CBFA2T3: variants seen among roughly 807,000 people sequenced by gnomAD.
The protein encoded by CBFA2T3 is CBFA2/RUNX1 partner transcriptional co-repressor 3.
Under a neutral mutation model 58.6 loss-of-function variants are expected in CBFA2T3, and 31 were observed. The ratio of observed to expected loss-of-function variants is 0.53; its 90% CI spans 0.40 to 0.71. The LOEUF is 0.71. CBFA2T3 is among the 30% of genes least tolerant of loss of function. CBFA2T3 has a pLI of 0.00. For missense variants in CBFA2T3, 1,076 were observed against 963.1 expected, an observed-to-expected ratio of 1.12 and a Z score of -1.55; for synonymous variants, 531 against 421.9, an observed-to-expected ratio of 1.26 and a Z score of -3.17.
chr16:88,892,491 G>A lies in CBFA2T3; in HGVS notation c.380-6C>T, dbSNP rs201391166. 1.9e-6 allele frequency: 3 copies of A among 1,611,164 alleles called. No homozygotes were observed. The highest frequency in any genetic ancestry group is 3.3e-5 in the Admixed American group (2 of 60,032). On this transcript the variant is annotated splice_region_variant and splice_polypyrimidine_tract_variant and intron_variant, in intron 3 of 11. Transcript: ENST00000268679. ...GTGGCTGCTGCCGTTCATCACTGCA[G>A]GAGGGAAGCGGACATGAGGACACAA...
chr16:88,880,997 G>A (rs764228634), intron 9 of CBFA2T3: 6 of 674,880 alleles, frequency 8.9e-6, no homozygotes, highest in South Asian at 4.8e-5. Context: ...CCTTGGACTC[G>A]GCTGGGAGCC....
chr16:88,935,179 G>A (rs1367134730), intron 1 of CBFA2T3, among the ~76,000 whole-genome samples: 2 of 152,178 alleles, frequency 1.3e-5, no homozygotes, highest in South Asian at 4.1e-4. Flanking sequence ...GAGACCCAAC[G>A]CTGCCCCCGG....
At chr16:88,916,022 G>A (rs1970707947) in intron 1 of CBFA2T3, among the ~76,000 whole-genome samples, 1 of 150,464 alleles carries the variant, frequency 6.6e-6, no homozygotes, top group African/African-American at 2.5e-5. Flanking sequence ...GTGTGTCCGT[G>A]TGTATATGTG....
intron 1 of CBFA2T3, among the ~76,000 whole-genome samples, chr16:88,927,491 C>T (rs544287002): frequency 4.9e-4 from 75 of 152,306 alleles, no homozygotes; most frequent in African/African-American, 1.7e-3. Flanking sequence ...CTGTTCTCCT[C>T]CAGGGACCTC....
chr16:88,928,742 G>A (rs577224089), intron 1 of CBFA2T3, among the ~76,000 whole-genome samples: 2 of 152,354 alleles, frequency 1.3e-5, no homozygotes, highest in South Asian at 4.1e-4. Context: ...CAGGAACACT[G>A]TGCAAACGTA....
At chr16:88,925,599 C>T (rs1971061034) in intron 1 of CBFA2T3, among the ~76,000 whole-genome samples, 1 of 152,348 alleles carries the variant, frequency 6.6e-6, no homozygotes, top group Admixed American at 6.5e-5. Context: ...CTCAGAGAGG[C>T]TCCAGGCCTG....
At chr16:88,881,672 A>G in intron 8 of CBFA2T3, 183 bp from the exon 9 acceptor site, 1 of 593,316 alleles carries the variant, frequency 1.7e-6, no homozygotes, top group Non-Finnish European at 2.9e-6. Context: ...CTAGCCTGGG[A>G]CTGCCGAGCG....
chr16:88,881,735 G>C (rs1045916747), intron 8 of CBFA2T3: 5 of 469,574 alleles, frequency 1.1e-5, no homozygotes, highest in African/African-American at 1.0e-4. Context: ...GCAGGAGTTT[G>C]GGATTCTCCT....
chr16:88,951,451 T>A (rs1046382002), intron 1 of CBFA2T3: 8 of 388,912 alleles, frequency 2.1e-5, no homozygotes, highest in Non-Finnish European at 3.0e-5. Context: ...CTGTTACCTG[T>A]ATGTTTGAAT....
chr16:88,893,566 C>T (rs573261155), intron 3 of CBFA2T3, among the ~76,000 whole-genome samples: 16 of 152,350 alleles, frequency 1.1e-4, no homozygotes, highest in Non-Finnish European at 2.1e-4. Flanking sequence ...GTTCCTGCCC[C>T]TGGCGGCTGG....
intron 1 of CBFA2T3, among the ~76,000 whole-genome samples, chr16:88,905,669 G>A (rs1037670805): frequency 8.8e-5 from 13 of 148,020 alleles, no homozygotes; most frequent in Non-Finnish European, 1.7e-4. Context: ...CTGAGGGGAG[G>A]TGGGGCTGAA....
chr16:88,976,912 C>A lies in CBFA2T3; in HGVS notation c.-105G>T. 1 of 1,377,522 alleles carries A rather than the reference C, an allele frequency of 7.3e-7. No homozygotes were observed. The highest frequency in any genetic ancestry group is 9.7e-7 in the Non-Finnish European group (1 of 1,027,194). 85.3% of individuals were successfully genotyped at this position (1,377,522 alleles called of 1,614,324 possible). On this transcript the variant is annotated 5_prime_UTR_variant, in exon 1 of 12. Coordinates refer to ENST00000268679, the MANE Select transcript of CBFA2T3 (RefSeq NM_005187.6). ...CTTGAGGGAAAGAGGAGGGGCTGGG[C>A]CAGCTGGGGCGTCCTGGAGTTGGGC...
In CBFA2T3 at chr16:88,932,791, C is replaced by CAAAAA. The variant is rs576934029; in HGVS notation, c.152-31140_152-31136dup. On this transcript the variant is annotated intron_variant, in intron 1 of 11. Transcript: ENST00000268679. Reference sequence around the variant, plus strand: ...GGCAAACCCGTCTCTACTAAAAATACAAAAAAAAAAAAAAAAAAAAAAAAA... The same window carrying CAAAAA: ...GGCAAACCCGTCTCTACTAAAAATACAAAAAAAAAAAAAAAAAAAAAAAAAAAAAA... Among the ~76,000 whole-genome samples, 43 of 27,866 alleles carry CAAAAA rather than the reference C, an allele frequency of 1.5e-3. 2 individuals are homozygous for CAAAAA. The highest frequency in any genetic ancestry group is 6.4e-3 in the East Asian group (4 of 624). The allele number at this position is 27,866 out of a possible 152,430, so 18.3% of individuals were successfully genotyped here.
At chr16:88,896,046 G>A (rs1043534774) in intron 3 of CBFA2T3, among the ~76,000 whole-genome samples, 7 of 152,186 alleles carry the variant, frequency 4.6e-5, no homozygotes, top group African/African-American at 7.2e-5. Context: ...CCTCTCCTGC[G>A]CTGCCCAAGT....
chr16:88,947,207 C>CCCGA (rs1364345838), intron 1 of CBFA2T3, among the ~76,000 whole-genome samples: 1 of 152,262 alleles, frequency 6.6e-6, no homozygotes, highest in East Asian at 1.9e-4. Flanking sequence ...GTAATGAGAA[C>CCCGA]TCGGCGCTTT....
At chr16:88,946,106 G>A (rs1392009894) in intron 1 of CBFA2T3, among the ~76,000 whole-genome samples, 3 of 152,160 alleles carry the variant, frequency 2.0e-5, no homozygotes, top group East Asian at 1.9e-4. Flanking sequence ...TCAGGAGTTC[G>A]AGACCAGCCT....
At chr16:88,975,550 G>A (rs1972834842) in intron 1 of CBFA2T3, among the ~76,000 whole-genome samples, 1 of 152,398 alleles carries the variant, frequency 6.6e-6, no homozygotes, top group South Asian at 2.1e-4. Flanking sequence ...GGCCGCTCCA[G>A]AGAGGACGGG....
chr16:88,977,199 T>G lies in CBFA2T3; in HGVS notation c.-392A>C. On this transcript the variant is annotated 5_prime_UTR_variant, in exon 1 of 12. It removes an upstream start codon present in the reference 5' UTR. Coordinates refer to ENST00000268679, the MANE Select transcript of CBFA2T3 (RefSeq NM_005187.6). ...CCCTGCGCGGCCTTCCCTCGGGCCA[T>G]TCCGGTTTGACCTTCCAACAACTTC... 3.8e-6 allele frequency: 1 copy of G among 260,994 alleles called. No homozygotes were observed. The highest frequency in any genetic ancestry group is 7.5e-6 in the Non-Finnish European group (1 of 134,178). The allele number at this position is 260,994 out of a possible 1,614,324, so 16.2% of individuals were successfully genotyped here.
chr16:88,908,494 T>C (rs116396843), intron 1 of CBFA2T3, among the ~76,000 whole-genome samples: 8,143 of 152,254 alleles, frequency 0.053, 353 homozygotes, highest in African/African-American at 0.12. Context: ...GCTTTGCAGG[T>C]TGGGCAGAGC....
Sources: gnomAD v4.1 joint callset for allele counts (sites outside exome capture counted in the v4.1 genomes callset) on GRCh38, gnomAD v4.1.1 for gene constraint, MANE v1.5 for transcripts, NCBI Gene and HGNC (gene_info 2026-07-23, HGNC 2026-07-21) for gene names.